The following IGSF11 variants were observed in gnomAD, a reference collection of about 807,000 sequenced individuals.
The protein encoded by IGSF11 is CXADR like 1.
In IGSF11, 22 loss-of-function variants were observed where a neutral mutation model predicts 41.0. The ratio of observed to expected loss-of-function variants is 0.54; its 90% CI spans 0.38 to 0.77. The LOEUF (loss-of-function observed/expected upper bound fraction) is 0.77. Ranked by LOEUF, IGSF11 falls within the 30% of genes least tolerant of loss-of-function variation. The pLI, the probability that IGSF11 is intolerant of heterozygous loss-of-function variation, is 0.00. For missense variants in IGSF11, 444 were observed against 530.8 expected, an observed-to-expected ratio of 0.84 and a Z score of 1.61; for synonymous variants, 219 against 201.3, an observed-to-expected ratio of 1.09 and a Z score of -0.74.
chr3:118,981,454 TGCTCA>T (rs1934705191), intron 1 of IGSF11, among the ~76,000 whole-genome samples: 2 of 152,296 alleles, frequency 1.3e-5, no homozygotes, highest in African/African-American at 4.8e-5. Context: ...TCAGCCACTG[TGCTCA>T]GCTTTTGGCA....
intron 1 of IGSF11, among the ~76,000 whole-genome samples, chr3:118,937,616 TC>T (rs1943378438): frequency 6.6e-6 from 1 of 152,218 alleles, no homozygotes; most frequent in African/African-American, 2.4e-5. Context: ...TATAGATGGC[TC>T]TATTACATAT....
rs1939089156 is a variant in IGSF11, at chr3:118,902,938, C to A, written c.878G>T (p.Cys293Phe). Residue 293 changes from cysteine (C) to phenylalanine (F), a missense_variant, in exon 7 of 7, where the codon TGT (cysteine) becomes TTT (phenylalanine). Transcript: ENST00000393775. Reference sequence around the variant, plus strand: ...AGTGTGAAATGCTTTGGCAGAAGAACACTTGGGTGGAAGATCATCCTCTCT... The same window carrying A: ...AGTGTGAAATGCTTTGGCAGAAGAAAACTTGGGTGGAAGATCATCCTCTCT... ...EIREDDLPPK[C>F]SSAKAFHTEI... 1 of 1,613,826 alleles carries A rather than the reference C, an allele frequency of 6.2e-7. No individual in the cohort carries two copies. Among genetic ancestry groups the A allele is most frequent in the African/African-American group, 1.3e-5 (1 of 75,048 alleles).
chr3:118,909,388 T>C (rs926912054), intron 4 of IGSF11, among the ~76,000 whole-genome samples: 7 of 152,060 alleles, frequency 4.6e-5, no homozygotes, highest in Non-Finnish European at 1.0e-4. Context: ...GTAAAAATGA[T>C]CCTAACCTGA....
chr3:118,922,537 G>A (rs1941907010), intron 4 of IGSF11, among the ~76,000 whole-genome samples: 1 of 151,918 alleles, frequency 6.6e-6, no homozygotes, highest in African/African-American at 2.4e-5. Flanking sequence ...TATTCATCCT[G>A]AATAACTGCA....
At chr3:119,130,052 C>G (rs1317372188) in intron 1 of IGSF11, among the ~76,000 whole-genome samples, 1 of 151,982 alleles carries the variant, frequency 6.6e-6, no homozygotes, top group Non-Finnish European at 1.5e-5. Flanking sequence ...AGAAAATCAC[C>G]TTCACTAAAA....
At position 118,908,883 on chromosome 3, in the gene IGSF11, T is replaced by A. The variant is rs190477341; in HGVS notation, c.581-3165A>T. On this transcript the variant is annotated intron_variant, in intron 4 of 6. Coordinates refer to ENST00000393775, the MANE Select transcript of IGSF11 (RefSeq NM_001015887.3). ...AGACAGCCTAAGTTTGAGTCTATTC[T>A]ACCTACTACTGGTCATATGGTCTTG... Among the ~76,000 whole-genome samples the A allele has an allele frequency of 2.0e-4, 31 of 152,366 alleles. No homozygotes were observed. The East Asian group carries it at 5.6e-3, about 27-fold the overall frequency.
chr3:119,129,290 TA>T (rs1369375473), intron 1 of IGSF11, among the ~76,000 whole-genome samples: 1 of 152,144 alleles, frequency 6.6e-6, no homozygotes, highest in Non-Finnish European at 1.5e-5. Flanking sequence ...GTTTCTTTTT[TA>T]GAAGAAATAA....
intron 1 of IGSF11, among the ~76,000 whole-genome samples, chr3:118,984,438 A>T (rs1454381371): frequency 6.6e-6 from 1 of 152,240 alleles, no homozygotes; most frequent in East Asian, 1.9e-4. Flanking sequence ...ACTGCTGGTC[A>T]TGTAGCCAGA....
At chr3:119,095,161 C>G (rs964175785) in intron 1 of IGSF11, among the ~76,000 whole-genome samples, 2 of 152,104 alleles carry the variant, frequency 1.3e-5, no homozygotes, top group Non-Finnish European at 2.9e-5. Context: ...GAAGCTGAAT[C>G]TAATACATAC....
intron 1 of IGSF11, chr3:119,105,034 A>C (rs1490266026): frequency 3.2e-6 from 2 of 623,092 alleles, no homozygotes; most frequent in Non-Finnish European, 5.7e-6. Context: ...TTTTAGTAGT[A>C]GGAGAATATA....
chr3:118,978,673 G>T (rs556976886), intron 1 of IGSF11, among the ~76,000 whole-genome samples: 1 of 152,260 alleles, frequency 6.6e-6, no homozygotes, highest in East Asian at 1.9e-4. Flanking sequence ...CACCACTGAT[G>T]CTGTTTATAG....
At chr3:119,114,604 T>C (rs929251914) in intron 1 of IGSF11, among the ~76,000 whole-genome samples, 8 of 152,222 alleles carry the variant, frequency 5.3e-5, no homozygotes, top group African/African-American at 1.7e-4. Context: ...CTTGTCCTTT[T>C]CACTATCAGC....
At chr3:118,951,602 C>T (rs1201789962) in intron 1 of IGSF11, among the ~76,000 whole-genome samples, 1 of 152,026 alleles carries the variant, frequency 6.6e-6, no homozygotes, top group African/African-American at 2.4e-5. Flanking sequence ...TGGTTATTTA[C>T]TATGTGTTAG....
At position 119,055,387 on chromosome 3, in the gene IGSF11, C is replaced by A. The variant is rs182788437; in HGVS notation, c.49+49757G>T. 3.3e-4 allele frequency among the ~76,000 whole-genome samples: 50 copies of A among 152,202 alleles called. No homozygotes were observed. The East Asian group carries it at 7.7e-3, about 24-fold the overall frequency. ...AGAGACAAAGAAGGCCATTACATAA[C>A]GCTAAAGGGATCAATTCAACAAGAA... On this transcript the variant is annotated intron_variant, in intron 1 of 6. Coordinates refer to the IGSF11 transcript ENST00000354673.
chr3:119,079,026 A>T (rs2107478037), intron 1 of IGSF11, among the ~76,000 whole-genome samples: 1 of 152,230 alleles, frequency 6.6e-6, no homozygotes, highest in African/African-American at 2.4e-5. Flanking sequence ...CCACAATGAG[A>T]CACCATCTCA....
chr3:118,948,309 G>GCAGAGA (rs1428031069), intron 1 of IGSF11: 2 of 152,210 alleles, frequency 1.3e-5, no homozygotes, highest in African/African-American at 4.8e-5. Flanking sequence ...AAAGGCAGAG[G>GCAGAGA]AGTACTTATC....
intron 1 of IGSF11, chr3:118,947,762 C>G (rs544804914): frequency 2.0e-5 from 3 of 152,332 alleles, no homozygotes; most frequent in Admixed American, 1.3e-4. Flanking sequence ...TACCCTCCCC[C>G]ATTCAAGGTA....
chr3:118,997,613 A>G (rs1431229132), intron 1 of IGSF11, among the ~76,000 whole-genome samples: 1 of 148,302 alleles, frequency 6.7e-6, no homozygotes, highest in East Asian at 2.0e-4. Flanking sequence ...TTAATCATGA[A>G]TCTTACCTGA....
At chr3:119,107,578 G>T (rs1000417575), upstream of IGSF11, among the ~76,000 whole-genome samples, 4 of 151,924 alleles carry the variant, frequency 2.6e-5, no homozygotes, top group African/African-American at 7.3e-5. Context: ...CTGTGCAGAA[G>T]CTCTTTAGTT....
Sources: allele counts gnomAD v4.1 joint callset (sites outside exome capture counted in the v4.1 genomes callset), GRCh38; gene constraint gnomAD v4.1.1; transcripts MANE v1.5; gene names NCBI Gene and HGNC (gene_info 2026-07-23, HGNC 2026-07-21).